The following PRKCQ variants were observed in gnomAD, a reference collection of about 807,000 sequenced individuals.
The protein encoded by PRKCQ is protein kinase C theta.
A neutral mutation model predicts 91.2 loss-of-function variants in PRKCQ; 41 were observed. The ratio of observed to expected loss-of-function variants is 0.45; its 90% CI spans 0.35 to 0.58. The LOEUF (loss-of-function observed/expected upper bound fraction) is 0.58, where lower values mean the gene tolerates loss of function less well. PRKCQ is among the 20% of genes least tolerant of loss of function. The probability of loss-of-function intolerance (pLI) is 0.00; values close to 1 mark genes in which losing one functional copy is unlikely to be tolerated. For synonymous variants in PRKCQ, 307 were observed against 316.9 expected (o/e 0.97, Z 0.33); for missense variants, 673 against 896.5 (o/e 0.75, Z 3.18).
At chr10:6,397,637 C>G in the PRKCQ span, among the ~76,000 whole-genome samples, 2 of 152,106 alleles carry the variant, frequency 1.3e-5, no homozygotes, top group Non-Finnish European at 2.9e-5. Context: ...CTAAGATACC[C>G]TTGCTGGCTG....
At chr10:6,556,570 A>G (rs777966404) in intron 1 of PRKCQ, among the ~76,000 whole-genome samples, 3 of 151,984 alleles carry the variant, frequency 2.0e-5, no homozygotes, top group Non-Finnish European at 4.4e-5. Context: ...TACTGGGTAC[A>G]GAGCTTCTGC....
chr10:6,551,870 T>C (rs563622730), intron 1 of PRKCQ, among the ~76,000 whole-genome samples: 2 of 152,342 alleles, frequency 1.3e-5, no homozygotes, highest in South Asian at 4.1e-4. Flanking sequence ...GGTAGCTCTG[T>C]TTTTAGCTCT....
intron 4 of PRKCQ, among the ~76,000 whole-genome samples, chr10:6,504,758 C>T (rs1455088706): frequency 6.6e-6 from 1 of 152,130 alleles, no homozygotes; most frequent in African/African-American, 2.4e-5. Context: ...TCCTCCTTGT[C>T]ATCAACAAGG....
chr10:6,538,259 G>A (rs1345192989), intron 1 of PRKCQ, among the ~76,000 whole-genome samples: 2 of 152,272 alleles, frequency 1.3e-5, no homozygotes, highest in Non-Finnish European at 1.5e-5. Flanking sequence ...GAGCTTGGAG[G>A]CGGCATTGTC....
At chr10:6,548,598 T>C (rs1840058539) in intron 1 of PRKCQ, among the ~76,000 whole-genome samples, 2 of 146,248 alleles carry the variant, frequency 1.4e-5, no homozygotes, top group South Asian at 2.2e-4. Flanking sequence ...ATGGATGAAA[T>C]TGGAAATCAT....
At chr10:6,491,246 T>C (rs1380692797) in intron 8 of PRKCQ, among the ~76,000 whole-genome samples, 1 of 152,146 alleles carries the variant, frequency 6.6e-6, no homozygotes, top group African/African-American at 2.4e-5. Context: ...TGCTCCTTGA[T>C]GAGATGACAG....
intron 1 of PRKCQ, among the ~76,000 whole-genome samples, chr10:6,530,406 A>G (rs7075918): frequency 0.011 from 1,693 of 152,338 alleles, 33 homozygotes; most frequent in African/African-American, 0.038. Flanking sequence ...AAGAAAATAC[A>G]GTATTTGGTA....
chr10:6,446,943 C>A (rs181535058), intron 15 of PRKCQ, among the ~76,000 whole-genome samples: 11 of 152,180 alleles, frequency 7.2e-5, no homozygotes, highest in African/African-American at 2.4e-4. Flanking sequence ...TCTGGACAGG[C>A]GGGGCTCTGC....
At chr10:6,440,123 G>T (rs1184543604) in intron 16 of PRKCQ, among the ~76,000 whole-genome samples, 1 of 152,170 alleles carries the variant, frequency 6.6e-6, no homozygotes, top group Non-Finnish European at 1.5e-5. Flanking sequence ...CCTGTGAAGA[G>T]GTGCCTTCTG....
At chr10:6,533,862 C>A (rs1346920196) in intron 1 of PRKCQ, among the ~76,000 whole-genome samples, 1 of 152,106 alleles carries the variant, frequency 6.6e-6, no homozygotes, top group Non-Finnish European at 1.5e-5. Context: ...TAAATTCAGA[C>A]AGATTGAAGA....
At chr10:6,419,597 T>C in the PRKCQ span, among the ~76,000 whole-genome samples, 14 of 152,338 alleles carry the variant, frequency 9.2e-5, no homozygotes, top group East Asian at 2.3e-3. Context: ...CAAAGTATTC[T>C]TTTATTTGGA....
At position 6,575,210 on chromosome 10, in the gene PRKCQ, CA is replaced by C. The variant is rs1841184523; in HGVS notation, c.-10+5000del. Among the ~76,000 whole-genome samples the C allele has an allele frequency of 2.0e-5, 3 of 152,216 alleles. No individual in the cohort carries two copies. The South Asian group carries it at 6.2e-4, about 32-fold the overall frequency. On this transcript the variant is annotated intron_variant, in intron 1 of 17. Transcript: ENST00000263125. Reference sequence around the variant, plus strand: ...CATTATAATTTCCTATTTGCCTGACCACATCTCCCTGTGGGTTTTGCAGCAC... The same window carrying C: ...CATTATAATTTCCTATTTGCCTGACCCATCTCCCTGTGGGTTTTGCAGCAC...
At position 6,427,884 on chromosome 10, in the gene PRKCQ, A is replaced by T; in HGVS notation, c.*323T>A. 3.6e-6 allele frequency: 1 copy of T among 280,708 alleles called. No homozygotes were observed. The highest frequency in any genetic ancestry group is 6.8e-6 in the Non-Finnish European group (1 of 146,074). The allele number at this position is 280,708 out of a possible 1,614,324, so 17.4% of individuals were successfully genotyped here. ...ATCAGCAGTTGGCGCCCAGGTGAAG[A>T]GCCATAATTTATTGCAGTATCAAGT... On this transcript the variant is annotated 3_prime_UTR_variant, in exon 18 of 18. Coordinates refer to ENST00000263125, the MANE Select transcript of PRKCQ (RefSeq NM_006257.5).
In PRKCQ at chr10:6,555,774, C is replaced by T. The variant is rs143374249; in HGVS notation, c.-10+24437G>A. Among the ~76,000 whole-genome samples the T allele has an allele frequency of 8.5e-3, 1,300 of 152,190 alleles. 14 individuals carry two copies. The highest frequency in any genetic ancestry group is 0.029 in the African/African-American group (1,222 of 41,510). ...TCTGTAATCCCAGAACTTTGGGAGG[C>T]AAAGGTGGGCAGATCACTTGAGATC... On this transcript the variant is annotated intron_variant, in intron 1 of 17. Transcript: ENST00000263125.
chr10:6,425,660 T>C (rs1833099501), downstream of PRKCQ, among the ~76,000 whole-genome samples: 1 of 152,140 alleles, frequency 6.6e-6, no homozygotes, highest in Admixed American at 6.5e-5. Flanking sequence ...GACATATTCA[T>C]ACAGATGACA....
At chr10:6,453,829 C>G (rs1397196960) in intron 15 of PRKCQ, among the ~76,000 whole-genome samples, 1 of 151,734 alleles carries the variant, frequency 6.6e-6, no homozygotes, top group African/African-American at 2.4e-5. Context: ...GGACAAAAAA[C>G]CAAACACCGC....
intron 1 of PRKCQ, among the ~76,000 whole-genome samples, chr10:6,578,852 A>G (rs1841339681): frequency 6.6e-6 from 1 of 152,030 alleles, no homozygotes; most frequent in South Asian, 2.1e-4. Flanking sequence ...GTTACCAAAG[A>G]TAAGTTAGGG....
At chr10:6,572,782 G>T (rs542959711) in intron 1 of PRKCQ, among the ~76,000 whole-genome samples, 19 of 152,116 alleles carry the variant, frequency 1.2e-4, no homozygotes, top group African/African-American at 4.6e-4. Flanking sequence ...GGTATTTCTG[G>T]TTCTAGATCT....
At chr10:6,434,121 T>A (rs1833568772) in intron 16 of PRKCQ, among the ~76,000 whole-genome samples, 1 of 151,876 alleles carries the variant, frequency 6.6e-6, no homozygotes, top group Admixed American at 6.6e-5. Flanking sequence ...GATAAATGAT[T>A]GGTCTCTGCT....
Sources: allele counts gnomAD v4.1 joint callset (sites outside exome capture counted in the v4.1 genomes callset), GRCh38; gene constraint gnomAD v4.1.1; transcripts MANE v1.5; gene names NCBI Gene and HGNC (gene_info 2026-07-23, HGNC 2026-07-21).